The following EXOG variants were observed in gnomAD, a reference collection of about 807,000 sequenced individuals.
The protein encoded by EXOG is nuclease EXOG, mitochondrial.
In EXOG, 27 loss-of-function variants were observed where a neutral mutation model predicts 25.8. The observed-to-expected ratio is 1.05, with a 90% confidence interval of 0.77 to 1.45. The LOEUF (loss-of-function observed/expected upper bound fraction) is 1.45, where lower values mean the gene tolerates loss of function less well. Ranked by LOEUF, EXOG falls within the 40% of genes most tolerant of loss-of-function variation. The probability of loss-of-function intolerance (pLI) is 0.00; values close to 1 mark genes in which losing one functional copy is unlikely to be tolerated. For missense variants in EXOG, 458 were observed against 450.5 expected, an observed-to-expected ratio of 1.02 and a Z score of -0.15; for synonymous variants, 133 against 167.0, an observed-to-expected ratio of 0.80 and a Z score of 1.57.
In EXOG at chr3:38,503,759, A is replaced by G. The variant is rs1408997964; in HGVS notation, c.530+68A>G. ...AATGAAGTGACAGGAGAATGTACTGATGTGCCTATTAGCTGTTTCTGTCTT... is the reference window on the plus strand; with the variant it reads ...AATGAAGTGACAGGAGAATGTACTGGTGTGCCTATTAGCTGTTTCTGTCTT... On this transcript the variant is annotated intron_variant, in intron 4 of 5. Transcript: ENST00000287675. The G allele has an allele frequency of 6.5e-6, 6 of 922,208 alleles. No homozygotes were observed. The East Asian group carries it at 9.7e-5, about 15-fold the overall frequency. The allele number at this position is 922,208 out of a possible 1,614,324, so 57.1% of individuals were successfully genotyped here.
intron 5 of EXOG, among the ~76,000 whole-genome samples, chr3:38,511,384 G>A (rs1055360619): frequency 1.3e-5 from 2 of 151,534 alleles, no homozygotes; most frequent in Admixed American, 6.6e-5. Context: ...CCTAATCCTC[G>A]GAACCATAAA....
Position 38,501,454 on chromosome 3 carries a change from G to A in EXOG, c.413G>A (p.Arg138Gln), listed in dbSNP as rs777698117. 30 of 1,613,910 alleles carry A rather than the reference G, an allele frequency of 1.9e-5. No homozygotes were observed. The highest frequency in any genetic ancestry group is 5.3e-5 in the African/African-American group (4 of 74,902). Residue 138 changes from arginine to glutamine, a missense_variant, in exon 3 of 6, where the codon CGA (arginine) becomes CAA (glutamine). By Grantham distance (43) the Arg-to-Gln change is conservative. Transcript: ENST00000287675. ...NEDYVGSGWS[R>Q]GHMAPAGNNK... ...GATTATGTTGGAAGTGGGTGGTCAC[G>A]AGGACACATGGCTCCAGCAGGAAAT...
At chr3:38,501,628 A>T (rs752972381) in intron 3 of EXOG, 134 bp downstream of exon 3, 2 of 709,394 alleles carry the variant, frequency 2.8e-6, no homozygotes, top group East Asian at 5.3e-5. Context: ...CTTCCTGACA[A>T]TATGTCTCTT....
chr3:38,526,297 A>G lies in EXOG; in HGVS notation c.*1935A>G, dbSNP rs2060868061. ...AAGGCTTTCAGATAAAGATAAGATG[A>G]TAATGATTGACATTGTTCTGCTCTT... On this transcript the variant is annotated 3_prime_UTR_variant, in exon 6 of 6. Transcript: ENST00000287675. The G allele has an allele frequency of 1.0e-6, 1 of 962,356 alleles. No individual in the cohort carries two copies. The highest frequency in any genetic ancestry group is 1.2e-6 in the Non-Finnish European group (1 of 809,256). 59.6% of individuals were successfully genotyped at this position (962,356 alleles called of 1,614,324 possible). A position where few individuals can be genotyped will look rare whatever the true frequency, so the allele number is the denominator to read the frequency against.
At chr3:38,520,896 C>T (rs1485885579) in intron 5 of EXOG, among the ~76,000 whole-genome samples, 1 of 152,198 alleles carries the variant, frequency 6.6e-6, no homozygotes, top group African/African-American at 2.4e-5. Flanking sequence ...GGTCTCTGGG[C>T]TTCCAGTCCA....
At chr3:38,520,481 C>G (rs992641903) in intron 5 of EXOG, among the ~76,000 whole-genome samples, 1 of 152,160 alleles carries the variant, frequency 6.6e-6, no homozygotes, top group African/African-American at 2.4e-5. Context: ...ATTAACTAGA[C>G]TTGGTTTATG....
intron 1 of EXOG, 132 bp from the exon 2 acceptor site, chr3:38,497,497 C>A (rs974874282): frequency 1.1e-5 from 15 of 1,378,878 alleles, no homozygotes; most frequent in Non-Finnish European, 1.3e-5. Context: ...GTTGATTAGA[C>A]TTCTGAGCCA....
At chr3:38,514,778 C>CTTTTT (rs10678824) in intron 5 of EXOG, among the ~76,000 whole-genome samples, 14 of 113,610 alleles carry the variant, frequency 1.2e-4, no homozygotes, top group East Asian at 2.9e-4. Context: ...CCTCCCCCTG[C>CTTTTT]TTTTTTTTTT....
intron 3 of EXOG, 28 bp from the exon 4 acceptor site, chr3:38,503,587 G>C (rs751593597): frequency 7.8e-7 from 1 of 1,287,654 alleles, no homozygotes; most frequent in Non-Finnish European, 1.1e-6. Flanking sequence ...GCATTTCAGT[G>C]CAAGTTACTA....
In EXOG at chr3:38,496,439, T is replaced by C. The variant is rs750432385; in HGVS notation, c.72T>C (p.Ala24=). The stretch of plus-strand genomic sequence containing the variant: ...TTCTGAGCGGCTTCGTGGCTGGGGC[T>C]GTAGTGGGCGCTGCGGGAGCTGGGC... ...RRFLSGFVAG[A]VVGAAGAGLA... The change falls in exon 1 of 6, where the codon GCT becomes GCC. Residue 24 remains alanine, a synonymous_variant. Transcript: ENST00000287675. 3 of 1,613,674 alleles carry C rather than the reference T, an allele frequency of 1.9e-6. No homozygotes were observed. The highest frequency in any genetic ancestry group is 2.5e-6 in the Non-Finnish European group (3 of 1,179,820).
intron 4 of EXOG, among the ~76,000 whole-genome samples, chr3:38,504,991 A>T (rs2060160465): frequency 6.6e-6 from 1 of 152,184 alleles, no homozygotes; most frequent in African/African-American, 2.4e-5. Flanking sequence ...CCCCACTCAG[A>T]TTATTTTTAG....
At chr3:38,510,196 C>T (rs543509769) in intron 5 of EXOG, among the ~76,000 whole-genome samples, 5 of 152,122 alleles carry the variant, frequency 3.3e-5, no homozygotes, top group African/African-American at 1.2e-4. Context: ...AAACAGCTGA[C>T]TTCTACTTTA....
intron 5 of EXOG, among the ~76,000 whole-genome samples, chr3:38,508,385 C>T (rs2060266614): frequency 6.6e-6 from 1 of 152,100 alleles, no homozygotes; most frequent in Admixed American, 6.5e-5. Flanking sequence ...AGTGGTATAC[C>T]TGAAGAGCAG....
chr3:38,509,449 TAGA>T (rs2060302181), intron 5 of EXOG, among the ~76,000 whole-genome samples: 1 of 152,202 alleles, frequency 6.6e-6, no homozygotes, highest in Non-Finnish European at 1.5e-5. Context: ...TTTTTAAAAA[TAGA>T]ACTGATAAAA....
chr3:38,524,839 T>C lies in EXOG; in HGVS notation c.*477T>C, dbSNP rs934738088. ...CACTGCATTTGTATCCCTGTGGATG[T>C]AGAGTATTGGGAAGGCATTTGTTTA... On this transcript the variant is annotated 3_prime_UTR_variant, in exon 6 of 6. Coordinates refer to ENST00000287675, the MANE Select transcript of EXOG (RefSeq NM_005107.4). 3 of 987,280 alleles carry C rather than the reference T, an allele frequency of 3.0e-6. No individual in the cohort carries two copies. The highest frequency in any genetic ancestry group is 9.4e-5 in the South Asian group (2 of 21,384). 61.2% of individuals were successfully genotyped at this position (987,280 alleles called of 1,614,324 possible).
rs1264552630 is a variant in EXOG at position 38,525,763 on chromosome 3, TG to T, written c.*1402del. 4.4e-6 allele frequency: 2 copies of T among 455,948 alleles called. No homozygotes were observed. Among genetic ancestry groups the T allele is most frequent in the Non-Finnish European group, 5.8e-6 (2 of 346,444 alleles). The allele number at this position is 455,948 out of a possible 1,614,324, so 28.2% of individuals were successfully genotyped here. A position where few individuals can be genotyped will look rare whatever the true frequency, so the allele number is the denominator to read the frequency against. ...TTTGAGACCAGCCTGGGCAACATAA[TG>T]AAACCCTATCTTTACAAAAAAATAC... On this transcript the variant is annotated 3_prime_UTR_variant, in exon 6 of 6. Coordinates refer to ENST00000287675, the MANE Select transcript of EXOG (RefSeq NM_005107.4).
intron 1 of EXOG, chr3:38,497,075 C>CAAAA (rs5848435): frequency 8.7e-5 from 79 of 903,430 alleles, no homozygotes; most frequent in African/African-American, 7.5e-4. Context: ...TTATATTTGA[C>CAAAA]AAAAAAAAAA....
At chr3:38,510,844 G>C (rs1488145416) in intron 5 of EXOG, among the ~76,000 whole-genome samples, 1 of 152,118 alleles carries the variant, frequency 6.6e-6, no homozygotes, top group African/African-American at 2.4e-5. Context: ...TCAGTCATGT[G>C]AGGTCAGTCA....
chr3:38,500,499 T>A (rs2060015194), intron 2 of EXOG, among the ~76,000 whole-genome samples: 1 of 152,246 alleles, frequency 6.6e-6, no homozygotes, highest in Non-Finnish European at 1.5e-5. Flanking sequence ...AAAAGCTACA[T>A]ATATGATACT....
Sources: gnomAD v4.1 joint callset for allele counts (sites outside exome capture counted in the v4.1 genomes callset) on GRCh38, gnomAD v4.1.1 for gene constraint, MANE v1.5 for transcripts, NCBI Gene and HGNC (gene_info 2026-07-23, HGNC 2026-07-21) for gene names.